Variants in CPAMD8 observed in about 807,000 individuals in gnomAD.
The protein encoded by CPAMD8 is C3 and PZP-like alpha-2-macroglobulin domain-containing protein 8.
Under a neutral mutation model 224.7 loss-of-function variants are expected in CPAMD8, and 146 were observed. That is an observed-to-expected ratio of 0.65 (90% CI 0.57 to 0.75). The LOEUF (loss-of-function observed/expected upper bound fraction) is 0.75, where lower values mean the gene tolerates loss of function less well. CPAMD8 is among the 30% of genes least tolerant of loss of function. The probability of loss-of-function intolerance (pLI) is 0.00; values close to 1 mark genes in which losing one functional copy is unlikely to be tolerated. For missense variants in CPAMD8, 2,301 were observed against 2,537.5 expected, an observed-to-expected ratio of 0.91 and a Z score of 2.00; for synonymous variants, 966 against 1,044.6, an observed-to-expected ratio of 0.92 and a Z score of 1.45.
chr19:17,022,310 T>C, intron 1 of CPAMD8, 129 bp from the exon 2 acceptor site: 1 of 1,029,274 alleles, frequency 9.7e-7, no homozygotes, highest in East Asian at 2.6e-5. Context: ...CTGGCATTGA[T>C]GCTCTAGGAG....
chr19:16,948,339 A>G (rs1378867154), intron 20 of CPAMD8, among the ~76,000 whole-genome samples: 1 of 152,114 alleles, frequency 6.6e-6, no homozygotes, highest in Non-Finnish European at 1.5e-5. Context: ...GGCATACATG[A>G]TAGAGTCCTG....
At chr19:17,003,441 T>G (rs965612557) in intron 8 of CPAMD8, among the ~76,000 whole-genome samples, 1 of 151,544 alleles carries the variant, frequency 6.6e-6, no homozygotes, top group African/African-American at 2.4e-5. Context: ...CAAGCGATCC[T>G]CCAGCCTCAG....
chr19:16,905,790 G>T (rs1391799268), intron 30 of CPAMD8, among the ~76,000 whole-genome samples: 1 of 152,114 alleles, frequency 6.6e-6, no homozygotes, highest in Admixed American at 6.6e-5. Context: ...GCAGCTGCTG[G>T]GGGTAGGGGT....
intron 17 of CPAMD8, among the ~76,000 whole-genome samples, chr19:16,972,437 G>C (rs929580370): frequency 6.6e-6 from 1 of 151,884 alleles, no homozygotes; most frequent in East Asian, 1.9e-4. Flanking sequence ...TTGTGAACAA[G>C]AATTTTTTTT....
Position 16,947,164 on chromosome 19 carries a change from C to A in CPAMD8, c.2572G>T (p.Val858Leu). ...GGGGCCACACACATCTTCTTGGTCA[C>A]ATGGCGTTTGCCAGGATGCCCAACA... Reference protein sequence around the residue: ...QFVGHPGKRHVTKKMCVAPGE... With the variant: ...QFVGHPGKRHLTKKMCVAPGE... Residue 858 changes from valine (V) to leucine (L), a missense_variant, in exon 21 of 42, where the codon GTG becomes TTG. Coordinates refer to ENST00000443236, the MANE Select transcript of CPAMD8 (RefSeq NM_015692.5). 1 of 1,613,962 alleles carries A rather than the reference C, an allele frequency of 6.2e-7. No homozygotes were observed. Among genetic ancestry groups the A allele is most frequent in the Non-Finnish European group, 8.5e-7 (1 of 1,179,872 alleles).
intron 23 of CPAMD8, among the ~76,000 whole-genome samples, chr19:16,931,154 C>G (rs1388954556): frequency 1.3e-5 from 2 of 152,176 alleles, no homozygotes; most frequent in Non-Finnish European, 2.9e-5. Context: ...AAGGCTGAAC[C>G]CGAGCATTCC....
intron 34 of CPAMD8, among the ~76,000 whole-genome samples, chr19:16,903,290 G>A (rs999460409): frequency 3.9e-5 from 6 of 151,910 alleles, no homozygotes; most frequent in Non-Finnish European, 7.4e-5. Flanking sequence ...GAATGACCTC[G>A]AGCCCTTAGG....
chr19:16,903,978 C>T (rs1202500967), intron 32 of CPAMD8, 121 bp from the exon 33 acceptor site: 3 of 1,058,178 alleles, frequency 2.8e-6, no homozygotes, highest in Non-Finnish European at 2.7e-6. Context: ...AGAGACTGGA[C>T]CCAGTGCAGA....
chr19:16,972,780 C>T (rs2055110484), intron 17 of CPAMD8, among the ~76,000 whole-genome samples: 1 of 152,162 alleles, frequency 6.6e-6, no homozygotes, highest in African/African-American at 2.4e-5. Context: ...AAAGGCGTCA[C>T]CTCTGACTTC....
In CPAMD8 at chr19:16,897,206, C is replaced by T. The variant is rs187263639; in HGVS notation, c.5065+485G>A. 268 of 145,712 alleles carry T rather than the reference C, an allele frequency of 1.8e-3. 2 individuals are homozygous for T. Among genetic ancestry groups the T allele is most frequent in the African/African-American group, 7.5e-3 (257 of 34,190 alleles). The allele number at this position is 145,712 out of a possible 1,614,324, so 9.0% of individuals were successfully genotyped here. On this transcript the variant is annotated intron_variant, in intron 39 of 41. Transcript: ENST00000443236. Reference sequence around the variant, plus strand: ...ACCACACCCACCGCAACCTCATCCCCTCAGCACTAACCACATCCACTCTCA... The same window carrying T: ...ACCACACCCACCGCAACCTCATCCCTTCAGCACTAACCACATCCACTCTCA...
intron 41 of CPAMD8, 140 bp from the exon 42 acceptor site, chr19:16,893,479 G>C: frequency 1.7e-6 from 1 of 603,476 alleles, no homozygotes; most frequent in Non-Finnish European, 2.9e-6. Context: ...CTCAGACCTT[G>C]ATCTCACAGG....
chr19:17,014,971 G>C (rs150806878), intron 3 of CPAMD8, among the ~76,000 whole-genome samples: 3 of 152,362 alleles, frequency 2.0e-5, no homozygotes, highest in African/African-American at 7.2e-5. Flanking sequence ...GCTGGGCACA[G>C]TGGCTCACGC....
chr19:16,912,031 C>A (rs1158659430), intron 29 of CPAMD8, among the ~76,000 whole-genome samples: 1 of 152,148 alleles, frequency 6.6e-6, no homozygotes, highest in African/African-American at 2.4e-5. Flanking sequence ...CACTGTCTCC[C>A]ATCACTCCCA....
intron 3 of CPAMD8, among the ~76,000 whole-genome samples, chr19:17,016,792 C>G (rs769968802): frequency 3.3e-5 from 5 of 151,554 alleles, no homozygotes; most frequent in Non-Finnish European, 7.4e-5. Context: ...AAAATCTAAT[C>G]ACACAAAGGA....
chr19:17,014,915 C>G (rs1206015672), intron 3 of CPAMD8, among the ~76,000 whole-genome samples: 1 of 152,236 alleles, frequency 6.6e-6, no homozygotes, highest in Non-Finnish European at 1.5e-5. Context: ...AAGCAGATCA[C>G]CTGGGGAGCT....
Position 16,928,227 on chromosome 19 carries a change from T to C in CPAMD8, c.3152A>G (p.His1051Arg), listed in dbSNP as rs1035231638. The C allele has an allele frequency of 3.7e-6, 6 of 1,609,032 alleles. No homozygotes were observed. In the South Asian group the frequency reaches 5.5e-5, roughly 15 times the overall value. ...AGACTCATTGGATGGCTCTGGACCA[T>C]GGCCAACCTGGAAAAAGAAACCAAG... Reference protein sequence around the residue: ...SWRGGLIQVGHGPEPSNESVI... With the variant: ...SWRGGLIQVGRGPEPSNESVI... Residue 1051 changes from histidine to arginine, a missense_variant, in exon 25 of 42, where the codon CAT (histidine) becomes CGT (arginine). Physicochemically the swap from His to Arg is conservative, Grantham distance 29 (BLOSUM62 0). This residue lies in a region of CPAMD8 where 1,709 missense variants were observed against 1,753.2 expected (regional missense o/e 0.97). Transcript: ENST00000443236.
intron 21 of CPAMD8, among the ~76,000 whole-genome samples, chr19:16,946,405 A>T (rs556125627): frequency 2.8e-4 from 39 of 137,066 alleles, no homozygotes; most frequent in Admixed American, 2.2e-3. Context: ...ATGTCTACAC[A>T]TGTGGGCATG....
At chr19:17,015,387 CAG>C (rs2056783204) in intron 3 of CPAMD8, among the ~76,000 whole-genome samples, 1 of 152,126 alleles carries the variant, frequency 6.6e-6, no homozygotes, top group East Asian at 1.9e-4. Flanking sequence ...AACAATCTAC[CAG>C]ATTATCTGAC....
At chr19:16,957,798 T>A in intron 19 of CPAMD8, 55 bp downstream of exon 19, 1 of 1,569,352 alleles carries the variant, frequency 6.4e-7, no homozygotes, top group East Asian at 2.2e-5. Flanking sequence ...TGGACCCGCA[T>A]GAGTGTCTTT....
Sources: allele counts gnomAD v4.1 joint callset (sites outside exome capture counted in the v4.1 genomes callset), GRCh38; gene constraint gnomAD v4.1.1; regional missense constraint gnomAD v4.1.1; transcripts MANE v1.5; gene names NCBI Gene and HGNC (gene_info 2026-07-23, HGNC 2026-07-21).